Variants in PANX1 observed in about 807,000 individuals in gnomAD.
PANX1 encodes the protein pannexin 1, also known as pannexin-1.
In PANX1, 30 loss-of-function variants were observed where a neutral mutation model predicts 38.7. The ratio of observed to expected loss-of-function variants is 0.78; its 90% CI spans 0.58 to 1.05. The LOEUF (loss-of-function observed/expected upper bound fraction) is 1.05. Among genes scored for constraint, PANX1 ranks in the 50% least tolerant of loss-of-function variants. The pLI, the probability that PANX1 is intolerant of heterozygous loss-of-function variation, is 0.00. For missense variants in PANX1, 551 were observed against 517.2 expected, an observed-to-expected ratio of 1.07 and a Z score of -0.63; for synonymous variants, 230 against 212.2, an observed-to-expected ratio of 1.08 and a Z score of -0.73.
At chr11:94,158,211 G>A (rs902474904) in intron 2 of PANX1, among the ~76,000 whole-genome samples, 5 of 152,118 alleles carry the variant, frequency 3.3e-5, no homozygotes, top group Admixed American at 1.3e-4. Context: ...TTTTGGCTTA[G>A]GATTGACTTG....
At chr11:94,150,899 C>T (rs1190017221) in intron 1 of PANX1, among the ~76,000 whole-genome samples, 2 of 152,142 alleles carry the variant, frequency 1.3e-5, no homozygotes, top group East Asian at 1.9e-4. Flanking sequence ...GCCCTGGTCC[C>T]CAGGAGCTCC....
intron 1 of PANX1, among the ~76,000 whole-genome samples, chr11:94,136,080 C>G (rs1946685489): frequency 6.6e-6 from 1 of 152,190 alleles, no homozygotes. Flanking sequence ...AAATATTTCT[C>G]TCCTCCCAGC....
At chr11:94,163,242 A>G (rs1020127211) in intron 2 of PANX1, among the ~76,000 whole-genome samples, 3 of 152,204 alleles carry the variant, frequency 2.0e-5, no homozygotes, top group African/African-American at 7.2e-5. Flanking sequence ...TGATATAAGC[A>G]TAGAATGTAT....
intron 2 of PANX1, among the ~76,000 whole-genome samples, chr11:94,164,279 A>C (rs1176546343): frequency 6.6e-6 from 1 of 151,964 alleles, no homozygotes; most frequent in Non-Finnish European, 1.5e-5. Flanking sequence ...TAGTTCTTTA[A>C]GATCTGTCAT....
In PANX1 at chr11:94,181,006, C is replaced by A; in HGVS notation, c.*137C>A. The A allele has an allele frequency of 1.6e-6, 1 of 621,418 alleles. No individual in the cohort carries two copies. 38.5% of individuals were successfully genotyped at this position (621,418 alleles called of 1,614,324 possible). A position where few individuals can be genotyped will look rare whatever the true frequency, so the allele number is the denominator to read the frequency against. On this transcript the variant is annotated 3_prime_UTR_variant, in exon 5 of 5. Transcript: ENST00000227638. ...AGATACTGAGCATGTCTTATTGAGTCCCTAATGGAAATGGTGATCAACAAA... is the reference window on the plus strand; with the variant it reads ...AGATACTGAGCATGTCTTATTGAGTACCTAATGGAAATGGTGATCAACAAA...
At chr11:94,158,766 C>T (rs1226693874) in intron 2 of PANX1, among the ~76,000 whole-genome samples, 4 of 152,118 alleles carry the variant, frequency 2.6e-5, no homozygotes, top group Admixed American at 6.6e-5. Flanking sequence ...ATTGCCCTGG[C>T]CAGAACTTCC....
intron 2 of PANX1, among the ~76,000 whole-genome samples, chr11:94,176,150 C>T (rs938773501): frequency 6.6e-6 from 1 of 151,644 alleles, no homozygotes; most frequent in African/African-American, 2.4e-5. Context: ...CCTGGAATAT[C>T]GTTTACTCTT....
chr11:94,132,946 TAGAG>T (rs1340180537), intron 1 of PANX1, among the ~76,000 whole-genome samples: 3 of 152,162 alleles, frequency 2.0e-5, no homozygotes, highest in African/African-American at 4.8e-5. Context: ...TGTTGTAGGT[TAGAG>T]AGAGGGAATG....
At chr11:94,151,685 A>C (rs960042278) in intron 1 of PANX1, among the ~76,000 whole-genome samples, 13 of 152,090 alleles carry the variant, frequency 8.5e-5, no homozygotes, top group African/African-American at 2.9e-4. Context: ...TGTCCCGACT[A>C]CTCATCTTTT....
chr11:94,162,133 G>C (rs866394054), intron 2 of PANX1, among the ~76,000 whole-genome samples: 2 of 152,290 alleles, frequency 1.3e-5, no homozygotes, highest in Non-Finnish European at 2.9e-5. Context: ...GCCCCTACTG[G>C]GGGGTGCCTC....
At chr11:94,170,131 T>C (rs867842678) in intron 2 of PANX1, among the ~76,000 whole-genome samples, 2 of 151,852 alleles carry the variant, frequency 1.3e-5, no homozygotes, top group South Asian at 4.2e-4. Flanking sequence ...ATTTACATTG[T>C]TGCGAAACCA....
chr11:94,145,040 CATAAT>C (rs1946811492), intron 1 of PANX1, among the ~76,000 whole-genome samples: 1 of 152,106 alleles, frequency 6.6e-6, no homozygotes, highest in Admixed American at 6.5e-5. Flanking sequence ...ATGATATCAA[CATAAT>C]ATCATATCAG....
At chr11:94,160,243 C>T (rs541301975) in intron 2 of PANX1, among the ~76,000 whole-genome samples, 48 of 152,296 alleles carry the variant, frequency 3.2e-4, no homozygotes, top group Non-Finnish European at 6.2e-4. Context: ...TCTATTAAGT[C>T]TGCTTGATGC....
At position 94,153,472 on chromosome 11, in the gene PANX1, T is replaced by C; in HGVS notation, c.182-19T>C. 1.2e-6 allele frequency: 2 copies of C among 1,613,078 alleles called. No homozygotes were observed. The highest frequency in any genetic ancestry group is 8.5e-7 in the Non-Finnish European group (1 of 1,179,426). The stretch of plus-strand genomic sequence containing the variant: ...GGTAAGCTGTGTTTTCATTGGAAAC[T>C]ATCTGTTTTGCTTCTTAGGTACACA... On this transcript the variant is annotated intron_variant, in intron 1 of 4. Transcript: ENST00000227638.
At chr11:94,130,985 C>T (rs1016581081) in intron 1 of PANX1, among the ~76,000 whole-genome samples, 4 of 152,198 alleles carry the variant, frequency 2.6e-5, no homozygotes, top group Non-Finnish European at 5.9e-5. Context: ...TCGGGATGTT[C>T]TTTAAGTTTC....
In PANX1 at chr11:94,153,378, C is replaced by G. The variant is rs1946908052; in HGVS notation, c.182-113C>G. On this transcript the variant is annotated intron_variant, in intron 1 of 4. Transcript: ENST00000227638. ...TGTTTTTAGTTCTGTCCTAATGTCT[C>G]CACCTCCTGTCCTGGTGCTCCCTAA... is the stretch of plus-strand genomic sequence containing the variant. 2.9e-6 allele frequency: 3 copies of G among 1,040,242 alleles called. No individual in the cohort carries two copies. In the African/African-American group the frequency reaches 4.8e-5, roughly 17 times the overall value. The allele number at this position is 1,040,242 out of a possible 1,614,324, so 64.4% of individuals were successfully genotyped here.
chr11:94,136,619 T>C (rs1946694791), intron 1 of PANX1, among the ~76,000 whole-genome samples: 2 of 151,680 alleles, frequency 1.3e-5, no homozygotes, highest in South Asian at 4.2e-4. Context: ...ATACAAAAAA[T>C]TAGCCAGGTG....
At chr11:94,173,005 C>T (rs1947186274) in intron 2 of PANX1, among the ~76,000 whole-genome samples, 1 of 151,780 alleles carries the variant, frequency 6.6e-6, no homozygotes, top group Non-Finnish European at 1.5e-5. Flanking sequence ...GTATTTTCTG[C>T]CTTCTGTAAG....
intron 2 of PANX1, among the ~76,000 whole-genome samples, chr11:94,159,989 A>T (rs1335450126): frequency 6.6e-6 from 1 of 151,924 alleles, no homozygotes; most frequent in East Asian, 1.9e-4. Context: ...TTATGTACCC[A>T]GTAGTCATTC....
Sources: allele counts gnomAD v4.1 joint callset (sites outside exome capture counted in the v4.1 genomes callset), GRCh38; gene constraint gnomAD v4.1.1; transcripts MANE v1.5; gene names NCBI Gene and HGNC (gene_info 2026-07-23, HGNC 2026-07-21).